The following DPP10 variants were observed in gnomAD, a reference collection of about 807,000 sequenced individuals.
The protein encoded by DPP10 is inactive dipeptidyl peptidase 10.
Under a neutral mutation model 120.9 loss-of-function variants are expected in DPP10, and 33 were observed. The ratio of observed to expected loss-of-function variants is 0.27; its 90% confidence interval spans 0.21 to 0.37. DPP10 has a LOEUF of 0.37. Ranked by LOEUF, DPP10 falls within the 10% of genes least tolerant of loss-of-function variation. The pLI is 1.00. For synonymous variants in DPP10, 337 were observed against 326.1 expected, an observed-to-expected ratio of 1.03 and a Z score of -0.36; for missense variants, 816 against 942.8, an observed-to-expected ratio of 0.87 and a Z score of 1.76.
In DPP10 at chr2:114,700,689, G is replaced by A. The variant is rs147856745; in HGVS notation, c.60+257851G>A. On this transcript the variant is annotated intron_variant, in intron 1 of 25. Transcript: ENST00000410059. ...TAAGCCTTAACTCTGCCTTTATGAC[G>A]GAATTCATGTACAGCCTCTTCACTG... 1.4e-3 allele frequency among the ~76,000 whole-genome samples: 208 copies of A among 152,020 alleles called. 1 individual carries two copies. Among genetic ancestry groups the A allele is most frequent in the Admixed American group, 3.7e-3 (56 of 15,250 alleles).
At position 114,779,240 on chromosome 2, in the gene DPP10, C is replaced by T. The variant is rs908817635; in HGVS notation, c.60+336402C>T. 8.5e-5 allele frequency among the ~76,000 whole-genome samples: 13 copies of T among 152,168 alleles called. No homozygotes were observed. In the East Asian group the frequency reaches 9.7e-4, roughly 11 times the overall value. On this transcript the variant is annotated intron_variant, in intron 1 of 25. Transcript: ENST00000410059. ...GGACACTAAATGCTCTTCATCTGAACGAAGAGGTTTGTGTTTCATAAAGAT... is the reference window on the plus strand; with the variant it reads ...GGACACTAAATGCTCTTCATCTGAATGAAGAGGTTTGTGTTTCATAAAGAT...
intron 8 of DPP10, among the ~76,000 whole-genome samples, chr2:115,730,383 C>T (rs996582): frequency 0.08 from 12,156 of 152,162 alleles, 661 homozygotes; most frequent in Non-Finnish European, 0.12. Context: ...TGGTGGCAGA[C>T]ATAGTGAGCA....
intron 2 of DPP10, among the ~76,000 whole-genome samples, chr2:115,341,389 G>A (rs75443293): frequency 6.6e-6 from 1 of 151,884 alleles, no homozygotes; most frequent in African/African-American, 2.4e-5. Flanking sequence ...ACCATGCATA[G>A]CTTCCCCAAT....
At chr2:115,600,822 A>C (rs2083277778) in intron 5 of DPP10, among the ~76,000 whole-genome samples, 1 of 152,224 alleles carries the variant, frequency 6.6e-6, no homozygotes, top group Non-Finnish European at 1.5e-5. Context: ...ATAATCTATC[A>C]GCAGATACCA....
intron 1 of DPP10, among the ~76,000 whole-genome samples, chr2:114,554,652 T>C (rs1359377920): frequency 6.6e-6 from 1 of 152,182 alleles, no homozygotes; most frequent in African/African-American, 2.4e-5. Context: ...CAGTTTCTTA[T>C]AGAGAACACA....
intron 1 of DPP10, among the ~76,000 whole-genome samples, chr2:115,012,288 G>C (rs535204664): frequency 6.6e-6 from 1 of 152,170 alleles, no homozygotes; most frequent in South Asian, 2.1e-4. Flanking sequence ...TACTGAACCA[G>C]GTGTCCCTAG....
At chr2:114,705,878 A>C (rs1574007635) in intron 1 of DPP10, among the ~76,000 whole-genome samples, 1 of 152,160 alleles carries the variant, frequency 6.6e-6, no homozygotes, top group Admixed American at 6.5e-5. Flanking sequence ...TTCCTTATCT[A>C]TATTATTTGC....
intron 1 of DPP10, among the ~76,000 whole-genome samples, chr2:115,083,609 TC>T (rs1179779898): frequency 6.6e-6 from 1 of 152,198 alleles, no homozygotes. Context: ...TTGACTAGTA[TC>T]CTTAGCTGTA....
chr2:114,503,285 T>G (rs1313545225), intron 1 of DPP10, among the ~76,000 whole-genome samples: 1 of 152,194 alleles, frequency 6.6e-6, no homozygotes, highest in African/African-American at 2.4e-5. Flanking sequence ...GTGGTTTTCT[T>G]TGATATAGGG....
At chr2:115,195,718 A>G (rs758929705) in intron 1 of DPP10, among the ~76,000 whole-genome samples, 45 of 152,306 alleles carry the variant, frequency 3.0e-4, no homozygotes, top group Non-Finnish European at 3.5e-4. Context: ...GTGCCTTGAC[A>G]GAATTCTTAA....
At chr2:115,474,796 A>G (rs969666481) in intron 3 of DPP10, among the ~76,000 whole-genome samples, 2 of 151,572 alleles carry the variant, frequency 1.3e-5, no homozygotes, top group Non-Finnish European at 2.9e-5. Context: ...GCATAAGTAA[A>G]GAGGAGCCAA....
At chr2:115,529,293 C>G (rs555972449) in intron 5 of DPP10, among the ~76,000 whole-genome samples, 1 of 151,810 alleles carries the variant, frequency 6.6e-6, no homozygotes, top group East Asian at 1.9e-4. Flanking sequence ...CCTCAGCCTC[C>G]TGAGTAGCTG....
intron 1 of DPP10, among the ~76,000 whole-genome samples, chr2:114,653,007 AGAAAGAG>A (rs1696710578): frequency 2.4e-4 from 35 of 145,496 alleles, no homozygotes; most frequent in African/African-American, 7.8e-4. Flanking sequence ...AGAGAGAGAG[AGAAAGAG>A]AGAGAGAGAG....
chr2:115,226,570 T>C (rs1402005465), intron 1 of DPP10, among the ~76,000 whole-genome samples: 1 of 152,194 alleles, frequency 6.6e-6, no homozygotes, highest in Admixed American at 6.5e-5. Context: ...GAACAAAATC[T>C]TTGAACTGTA....
intron 1 of DPP10, among the ~76,000 whole-genome samples, chr2:114,482,048 CTCATGAGAACTCTA>C (rs147012779): frequency 0.077 from 11,711 of 151,940 alleles, 1,459 homozygotes; most frequent in African/African-American, 0.27. Context: ...ACCACCAGAT[CTCATGAGAACTCTA>C]GCATGAGAAC....
chr2:115,556,908 T>C (rs970904813), intron 5 of DPP10, among the ~76,000 whole-genome samples: 3 of 152,134 alleles, frequency 2.0e-5, no homozygotes, highest in African/African-American at 7.2e-5. Context: ...ATAAGCATTT[T>C]ATGCCAAATT....
At chr2:115,306,088 C>G (rs551135416) in intron 1 of DPP10, among the ~76,000 whole-genome samples, 2 of 151,800 alleles carry the variant, frequency 1.3e-5, no homozygotes, top group African/African-American at 2.4e-5. Context: ...TCCAGTTGTT[C>G]AGGTAAAAAT....
At chr2:115,826,637 C>T (rs1192666623) in intron 21 of DPP10, among the ~76,000 whole-genome samples, 3 of 152,150 alleles carry the variant, frequency 2.0e-5, no homozygotes, top group Non-Finnish European at 1.5e-5. Flanking sequence ...AGGAGAATTG[C>T]TTGAACCTGG....
intron 1 of DPP10, among the ~76,000 whole-genome samples, chr2:114,866,313 G>A (rs891764926): frequency 2.6e-5 from 4 of 151,890 alleles, no homozygotes; most frequent in Admixed American, 2.0e-4. Context: ...TCTTGAGCTA[G>A]GCCTTTGCTT....
Sources: allele counts gnomAD v4.1 joint callset (sites outside exome capture counted in the v4.1 genomes callset), GRCh38; gene constraint gnomAD v4.1.1; transcripts MANE v1.5; gene names NCBI Gene and HGNC (gene_info 2026-07-23, HGNC 2026-07-21).